The following APP variants were observed in gnomAD, a reference collection of about 807,000 sequenced individuals.
APP encodes amyloid beta precursor protein.
In APP, 31 loss-of-function variants were observed where a neutral mutation model predicts 101.4. That is an observed-to-expected ratio of 0.31 (90% CI 0.23 to 0.41). The LOEUF (loss-of-function observed/expected upper bound fraction) is 0.41. APP is among the 10% of genes least tolerant of loss of function. The pLI is 1.00. For synonymous variants in APP, 366 were observed against 364.4 expected (o/e 1.00, Z -0.05); for missense variants, 839 against 1,003.7 (o/e 0.84, Z 2.22).
Position 26,133,644 on chromosome 21 carries a change from C to T in APP, c.58-21498G>A, listed in dbSNP as rs577070943. ...TACTAAAAATACAAAAACTACAGCA[C>T]GCTTGTAATCCCAGCTACTCGGGAG... On this transcript the variant is annotated intron_variant, in intron 1 of 17. Transcript: ENST00000346798. Among the ~76,000 whole-genome samples the T allele has an allele frequency of 1.2e-4, 18 of 152,064 alleles. No individual in the cohort carries two copies. The South Asian group carries it at 3.1e-3, about 26-fold the overall frequency.
intron 3 of APP, among the ~76,000 whole-genome samples, chr21:26,057,499 ACC>A (rs34188773): frequency 6.7e-6 from 1 of 149,400 alleles, no homozygotes; most frequent in South Asian, 2.1e-4. Flanking sequence ...ACACACACAC[ACC>A]CAACTGAAAG....
chr21:26,028,847 T>G (rs189049571), intron 5 of APP, among the ~76,000 whole-genome samples: 1 of 152,052 alleles, frequency 6.6e-6, no homozygotes, highest in Non-Finnish European at 1.5e-5. Context: ...AAAAAAATTA[T>G]GGAAAAGTAC....
In APP at chr21:25,938,871, T is replaced by C. The variant is rs1601460039; in HGVS notation, c.1687+15719A>G. On this transcript the variant is annotated intron_variant, in intron 13 of 17. Coordinates refer to ENST00000346798, the MANE Select transcript of APP (RefSeq NM_000484.4). ...GTCAGCGAGAGACGCTAGCTTCCCC[T>C]GTTCGTGGATTCCGAAGCCTCAAGC... Among the ~76,000 whole-genome samples, 5 of 152,314 alleles carry C rather than the reference T, an allele frequency of 3.3e-5. No homozygotes were observed. In the South Asian group the frequency reaches 6.2e-4, roughly 19 times the overall value.
rs566237236 is a variant in APP, at chr21:26,057,637, T to C, written c.356-4289A>G. ...CCTCAATCTGCTAGCTCTTTGGTGG[T>C]CTTTGGGAGGACTGTCTAGCTCAAA... On this transcript the variant is annotated intron_variant, in intron 3 of 17. Coordinates refer to ENST00000346798, the MANE Select transcript of APP (RefSeq NM_000484.4). Among the ~76,000 whole-genome samples, 9 of 152,170 alleles carry C rather than the reference T, an allele frequency of 5.9e-5. No homozygotes were observed. The South Asian group carries it at 1.0e-3, about 18-fold the overall frequency.
At chr21:26,141,233 T>C (rs1388785291) in intron 1 of APP, among the ~76,000 whole-genome samples, 5 of 152,246 alleles carry the variant, frequency 3.3e-5, no homozygotes, top group African/African-American at 9.6e-5. Context: ...ATTGGTTCAT[T>C]ATTTAAGCTT....
At chr21:26,028,993 G>A (rs1202211951) in intron 5 of APP, among the ~76,000 whole-genome samples, 12 of 152,090 alleles carry the variant, frequency 7.9e-5, no homozygotes, top group South Asian at 4.2e-4. Flanking sequence ...TGCTGAAGTC[G>A]GGCACGGCAA....
At chr21:26,066,395 T>C (rs2046454519) in intron 3 of APP, among the ~76,000 whole-genome samples, 1 of 152,088 alleles carries the variant, frequency 6.6e-6, no homozygotes, top group South Asian at 2.1e-4. Context: ...CAACCATCAC[T>C]ACCTTCCATC....
At chr21:26,140,513 C>T (rs771281912) in intron 1 of APP, 6 of 495,132 alleles carry the variant, frequency 1.2e-5, no homozygotes, top group Non-Finnish European at 1.9e-5. Context: ...TGGCACAAAG[C>T]CAAGTGTCAG....
chr21:26,105,184 A>G (rs2062155003), intron 2 of APP, among the ~76,000 whole-genome samples: 1 of 152,170 alleles, frequency 6.6e-6, no homozygotes, highest in Non-Finnish European at 1.5e-5. Flanking sequence ...ATACCTAATG[A>G]AGCAATTGTT....
At chr21:26,157,622 T>C (rs1433505061) in intron 1 of APP, among the ~76,000 whole-genome samples, 2 of 152,208 alleles carry the variant, frequency 1.3e-5, no homozygotes, top group Non-Finnish European at 2.9e-5. Context: ...CTACAGGTTT[T>C]CCCCACATCT....
At chr21:25,885,868 G>A (rs866355421) in intron 17 of APP, among the ~76,000 whole-genome samples, 25 of 152,144 alleles carry the variant, frequency 1.6e-4, no homozygotes, top group Middle Eastern at 3.2e-3. Flanking sequence ...TCAGCTATCC[G>A]CCTGCAGGGA....
At chr21:26,035,056 T>C (rs1377367275) in intron 5 of APP, among the ~76,000 whole-genome samples, 1 of 151,480 alleles carries the variant, frequency 6.6e-6, no homozygotes, top group South Asian at 2.1e-4. Context: ...GAGACGGAGG[T>C]GGGAGGACTG....
chr21:26,036,970 A>ATGTGTG (rs146253714), intron 5 of APP, among the ~76,000 whole-genome samples: 1 of 148,152 alleles, frequency 6.7e-6, no homozygotes, highest in Non-Finnish European at 1.5e-5. Context: ...AGAAAATGTG[A>ATGTGTG]TGTGTGTGTG....
intron 17 of APP, among the ~76,000 whole-genome samples, chr21:25,883,409 A>G (rs954392973): frequency 6.6e-6 from 1 of 151,292 alleles, no homozygotes; most frequent in African/African-American, 2.4e-5. Context: ...TCTCCAAGAA[A>G]AAAAAGGCCA....
chr21:26,031,444 G>A (rs960748128), intron 5 of APP, among the ~76,000 whole-genome samples: 10 of 152,148 alleles, frequency 6.6e-5, no homozygotes, highest in African/African-American at 2.4e-4. Flanking sequence ...TGCTGATAAA[G>A]ACATACCCAA....
rs2036985906 is a variant in APP at position 25,881,585 on chromosome 21, T to TC, written c.*84dup. 6.8e-7 allele frequency: 1 copy of TC among 1,466,010 alleles called. No homozygotes were observed. The highest frequency in any genetic ancestry group is 9.5e-7 in the Non-Finnish European group (1 of 1,048,812). 90.8% of individuals were successfully genotyped at this position (1,466,010 alleles called of 1,614,324 possible). A position where few individuals can be genotyped will look rare whatever the true frequency, so the allele number is the denominator to read the frequency against. Reference sequence around the variant, plus strand: ...TAAATCATAAAACGGGTTTGTTTCTTCCCACATTATTCTATAAATGGACAC... The same window carrying TC: ...TAAATCATAAAACGGGTTTGTTTCTTCCCCACATTATTCTATAAATGGACAC... On this transcript the variant is annotated 3_prime_UTR_variant, in exon 18 of 18. Coordinates refer to ENST00000346798, the MANE Select transcript of APP (RefSeq NM_000484.4).
At chr21:26,148,228 G>A (rs933484252) in intron 1 of APP, among the ~76,000 whole-genome samples, 5 of 152,136 alleles carry the variant, frequency 3.3e-5, no homozygotes, top group Admixed American at 2.0e-4. Context: ...TTTCAATGAG[G>A]TTGGCAGAGA....
At chr21:26,093,047 T>C (rs898106612) in intron 2 of APP, among the ~76,000 whole-genome samples, 1 of 152,210 alleles carries the variant, frequency 6.6e-6, no homozygotes, top group African/African-American at 2.4e-5. Context: ...CTGCTATTAA[T>C]ACTTCTCTTT....
chr21:26,037,446 C>A (rs758551456), intron 5 of APP, among the ~76,000 whole-genome samples: 3 of 152,046 alleles, frequency 2.0e-5, no homozygotes, highest in Non-Finnish European at 2.9e-5. Flanking sequence ...TCACTGTGTA[C>A]CCTGTAAATG....
Sources: allele counts gnomAD v4.1 joint callset (sites outside exome capture counted in the v4.1 genomes callset), GRCh38; gene constraint gnomAD v4.1.1; transcripts MANE v1.5; gene names NCBI Gene and HGNC (gene_info 2026-07-23, HGNC 2026-07-21).